The following CAPN13 variants were observed in gnomAD, a reference collection of about 807,000 sequenced individuals.
CAPN13 encodes the protein calpain-13.
CAPN13 carries 90 observed loss-of-function variants against 98.4 expected under a neutral mutation model. The observed-to-expected ratio is 0.92, with a 90% CI of 0.77 to 1.09. The LOEUF (loss-of-function observed/expected upper bound fraction) is 1.09. Among genes scored for constraint, CAPN13 ranks in the 50% least tolerant of loss-of-function variants. The pLI, the probability that CAPN13 is intolerant of heterozygous loss-of-function variation, is 0.00. For synonymous variants in CAPN13, 330 were observed against 305.5 expected (o/e 1.08, Z -0.84); for missense variants, 887 against 841.3 (o/e 1.05, Z -0.67).
In CAPN13 at chr2:30,753,090, T is replaced by A; in HGVS notation, c.1050A>T (p.Ile350=). ...GNTLHEGWSQ[I]MFRKQVILGN... Reference sequence around the variant, plus strand: ...CTAGAATCACTTGCTTCCTAAACATTATTTGGGACCATCCTTCGTGGAGTG... The same window carrying A: ...CTAGAATCACTTGCTTCCTAAACATAATTTGGGACCATCCTTCGTGGAGTG... The change falls in exon 10 of 23, where the codon ATA becomes ATT. Residue 350 remains isoleucine, a synonymous_variant. Coordinates refer to ENST00000295055, the MANE Select transcript of CAPN13 (RefSeq NM_144575.3). 1 of 1,614,028 alleles carries A rather than the reference T, an allele frequency of 6.2e-7. No individual in the cohort carries two copies. Among genetic ancestry groups the A allele is most frequent in the Non-Finnish European group, 8.5e-7 (1 of 1,179,882 alleles).
intron 1 of CAPN13, among the ~76,000 whole-genome samples, chr2:30,802,086 C>T (rs1247996513): frequency 7.2e-5 from 11 of 152,168 alleles, no homozygotes; most frequent in Non-Finnish European, 1.6e-4. Context: ...CTGTGCCTGG[C>T]CATTCTGGGT....
chr2:30,726,531 G>A (rs9309685), intron 22 of CAPN13, among the ~76,000 whole-genome samples: 3 of 151,864 alleles, frequency 2.0e-5, no homozygotes, highest in Non-Finnish European at 4.4e-5. Flanking sequence ...GTTTAGCAAG[G>A]TTGCAGGATA....
chr2:30,729,340 T>C (rs1046460608), intron 22 of CAPN13, among the ~76,000 whole-genome samples: 8 of 152,210 alleles, frequency 5.3e-5, no homozygotes, highest in African/African-American at 1.9e-4. Flanking sequence ...CGACAATGCC[T>C]CTAATATTAT....
intron 18 of CAPN13, among the ~76,000 whole-genome samples, chr2:30,735,147 G>A (rs760655702): frequency 6.6e-6 from 1 of 152,152 alleles, no homozygotes; most frequent in African/African-American, 2.4e-5. Flanking sequence ...CTTTTGTATG[G>A]GGCGGCTCTT....
At chr2:30,797,651 A>G (rs998398503) in intron 1 of CAPN13, among the ~76,000 whole-genome samples, 1 of 152,220 alleles carries the variant, frequency 6.6e-6, no homozygotes, top group Admixed American at 6.5e-5. Flanking sequence ...ACTTGAGCCC[A>G]GTGACTACAA....
At chr2:30,728,594 A>C (rs1426556684) in intron 22 of CAPN13, among the ~76,000 whole-genome samples, 1 of 152,186 alleles carries the variant, frequency 6.6e-6, no homozygotes, top group Non-Finnish European at 1.5e-5. Flanking sequence ...GAGCAGGAAA[A>C]AGAGGGACAA....
At position 30,746,641 on chromosome 2, in the gene CAPN13, T is replaced by C. The variant is rs1489588110; in HGVS notation, c.1237-907A>G. Reference sequence around the variant, plus strand: ...TGCTGGGTGTCAAGATTTCCTCTGATAGTTTTATGGAATGGATCAATGAGG... The same window carrying C: ...TGCTGGGTGTCAAGATTTCCTCTGACAGTTTTATGGAATGGATCAATGAGG... On this transcript the variant is annotated intron_variant, in intron 11 of 22. Coordinates refer to ENST00000295055, the MANE Select transcript of CAPN13 (RefSeq NM_144575.3). 22 of 217,214 alleles carry C rather than the reference T, an allele frequency of 1.0e-4. No homozygotes were observed. The Admixed American group carries it at 1.1e-3, about 11-fold the overall frequency. 13.5% of individuals were successfully genotyped at this position (217,214 alleles called of 1,614,324 possible).
intron 11 of CAPN13, among the ~76,000 whole-genome samples, chr2:30,747,569 C>A (rs1388428587): frequency 1.3e-5 from 2 of 152,306 alleles, no homozygotes; most frequent in South Asian, 2.1e-4. Context: ...CTTCTCCCTG[C>A]CTATTCATAT....
chr2:30,805,495 C>T (rs1343909389), intron 1 of CAPN13, among the ~76,000 whole-genome samples: 3 of 152,116 alleles, frequency 2.0e-5, no homozygotes, highest in Non-Finnish European at 4.4e-5. Flanking sequence ...AAAATAATGT[C>T]AACAATAATG....
chr2:30,743,530 G>C lies in CAPN13; in HGVS notation c.1298C>G (p.Thr433Ser), dbSNP rs755042744. The C allele has an allele frequency of 1.9e-6, 3 of 1,613,848 alleles. No homozygotes were observed. The highest frequency in any genetic ancestry group is 2.7e-5 in the African/African-American group (2 of 74,896). Residue 433 changes from threonine to serine, a missense_variant, in exon 13 of 23, where the codon ACT becomes AGT. By Grantham distance (58) the Thr-to-Ser change is moderately conservative. Coordinates refer to ENST00000295055, the MANE Select transcript of CAPN13 (RefSeq NM_144575.3). ...PPVFFSSFRN[T>S]VQSSNNKFRR... The stretch of plus-strand genomic sequence containing the variant: ...GAATTTATTATTTGAGCTTTGGACA[G>C]TGTTTCTGAACGAGGAAAAAAACAC...
At chr2:30,728,532 A>G (rs1281500045) in intron 22 of CAPN13, among the ~76,000 whole-genome samples, 1 of 152,154 alleles carries the variant, frequency 6.6e-6, no homozygotes, top group Non-Finnish European at 1.5e-5. Flanking sequence ...CAGGCTGGGA[A>G]AAGCATGGAA....
Position 30,764,199 on chromosome 2 carries a change from T to C in CAPN13, c.632A>G (p.Asp211Gly), listed in dbSNP as rs1672993043. 2 of 1,609,462 alleles carry C rather than the reference T, an allele frequency of 1.2e-6. No individual in the cohort carries two copies. Among genetic ancestry groups the C allele is most frequent in the Non-Finnish European group, 1.7e-6 (2 of 1,177,946 alleles). ...CGCTGTCTTCACTGCCTTCACCAGG[T>C]CCACAGGGGAAGAGTGCAGATGGAT... is the stretch of plus-strand genomic sequence containing the variant. ...TNIHLHSSPVDLVKAVKTATK... is the reference protein window; with the variant it reads ...TNIHLHSSPVGLVKAVKTATK... Residue 211 changes from aspartate to glycine, a missense_variant, in exon 6 of 23, where the codon GAC becomes GGC. Coordinates refer to ENST00000295055, the MANE Select transcript of CAPN13 (RefSeq NM_144575.3).
chr2:30,750,437 C>T (rs1212249866), intron 11 of CAPN13, among the ~76,000 whole-genome samples: 1 of 152,038 alleles, frequency 6.6e-6, no homozygotes, highest in Non-Finnish European at 1.5e-5. Context: ...GAAACCTTCA[C>T]ATGTACCCCC....
chr2:30,803,988 C>T (rs1206891469), intron 1 of CAPN13, among the ~76,000 whole-genome samples: 1 of 152,146 alleles, frequency 6.6e-6, no homozygotes, highest in Non-Finnish European at 1.5e-5. Flanking sequence ...TCTCATGCAC[C>T]CCCACAGCCT....
chr2:30,741,625 ATT>A (rs1671661264), intron 15 of CAPN13: 3 of 1,206,286 alleles, frequency 2.5e-6, no homozygotes, highest in Non-Finnish European at 3.1e-6. Flanking sequence ...TTGTTTAAAG[ATT>A]TAGAGGGCAA....
At position 30,801,801 on chromosome 2, in the gene CAPN13, G is replaced by A. The variant is rs566996104; in HGVS notation, c.-33+5501C>T. Among the ~76,000 whole-genome samples, 84 of 152,130 alleles carry A rather than the reference G, an allele frequency of 5.5e-4. No homozygotes were observed. The South Asian group carries it at 0.01, about 19-fold the overall frequency. ...GTGGGAGGAATGAGATGGCCCAGAC[G>A]CAGGGAGGACAAAGTCCACCAGGGG... On this transcript the variant is annotated intron_variant, in intron 1 of 22. Transcript: ENST00000295055.
intron 4 of CAPN13, among the ~76,000 whole-genome samples, chr2:30,771,632 C>A (rs910505535): frequency 6.6e-6 from 1 of 152,110 alleles, no homozygotes; most frequent in East Asian, 1.9e-4. Context: ...TCCGAAGCAC[C>A]GAGGGAAGCT....
chr2:30,779,200 C>T (rs1673859662), intron 2 of CAPN13, among the ~76,000 whole-genome samples: 1 of 152,198 alleles, frequency 6.6e-6, no homozygotes, highest in Non-Finnish European at 1.5e-5. Context: ...GCTAGCTCCC[C>T]TCCAGGGATC....
intron 2 of CAPN13, among the ~76,000 whole-genome samples, chr2:30,783,587 C>T (rs1196811012): frequency 6.6e-6 from 1 of 152,202 alleles, no homozygotes; most frequent in African/African-American, 2.4e-5. Context: ...CAAAACTTTT[C>T]TGCACCAGGC....
Sources: allele counts gnomAD v4.1 joint callset (sites outside exome capture counted in the v4.1 genomes callset), GRCh38; gene constraint gnomAD v4.1.1; transcripts MANE v1.5; gene names NCBI Gene and HGNC (gene_info 2026-07-23, HGNC 2026-07-21).